KPNA3: variants seen among roughly 807,000 people sequenced by gnomAD.
KPNA3 encodes importin subunit alpha-4.
A neutral mutation model predicts 73.8 loss-of-function variants in KPNA3; 13 were observed. That is an observed-to-expected ratio of 0.18 (90% CI 0.11 to 0.28). The LOEUF is 0.28. Among genes scored for constraint, KPNA3 ranks in the 10% least tolerant of loss-of-function variants. KPNA3 has a pLI of 1.00. For missense variants in KPNA3, 360 were observed against 618.1 expected, an observed-to-expected ratio of 0.58 and a Z score of 4.43; for synonymous variants, 186 against 206.9, an observed-to-expected ratio of 0.90 and a Z score of 0.87.
chr13:49,750,800 T>G (rs1163251637), intron 1 of KPNA3, among the ~76,000 whole-genome samples: 2 of 152,140 alleles, frequency 1.3e-5, no homozygotes, highest in Non-Finnish European at 2.9e-5. Flanking sequence ...AAGACCAGCC[T>G]GGCCAACATG....
intron 6 of KPNA3, among the ~76,000 whole-genome samples, chr13:49,729,733 T>C (rs1471449774): frequency 2.6e-5 from 4 of 152,170 alleles, no homozygotes; most frequent in African/African-American, 9.6e-5. Flanking sequence ...TGAGCCAAGA[T>C]TGTGCCACTG....
intron 1 of KPNA3, among the ~76,000 whole-genome samples, chr13:49,753,254 A>G (rs1954681872): frequency 6.6e-6 from 1 of 152,140 alleles, no homozygotes; most frequent in Non-Finnish European, 1.5e-5. Flanking sequence ...ATCCAGAAAA[A>G]CCAACACTGA....
intron 9 of KPNA3, among the ~76,000 whole-genome samples, chr13:49,720,737 A>AG (rs1954348509): frequency 6.6e-6 from 1 of 151,144 alleles, no homozygotes; most frequent in Non-Finnish European, 1.5e-5. Flanking sequence ...CTCAAAAAAA[A>AG]AAAAAAAAAA....
chr13:49,734,466 C>T (rs953299326), intron 2 of KPNA3, among the ~76,000 whole-genome samples: 2 of 151,910 alleles, frequency 1.3e-5, no homozygotes, highest in Non-Finnish European at 2.9e-5. Flanking sequence ...CCAAAGTAGT[C>T]ATTTGGGAAA....
intron 14 of KPNA3, 46 bp from the exon 15 acceptor site, chr13:49,705,829 A>G (rs756558084): frequency 1.4e-6 from 2 of 1,450,192 alleles, no homozygotes; most frequent in East Asian, 5.0e-5. Context: ...ATAATTATCT[A>G]TTTCCCAGTA....
intron 1 of KPNA3, among the ~76,000 whole-genome samples, chr13:49,772,669 G>A (rs926528959): frequency 1.3e-5 from 2 of 152,120 alleles, no homozygotes; most frequent in Non-Finnish European, 2.9e-5. Flanking sequence ...AGGGCATGGT[G>A]GCGCACGTCT....
At chr13:49,735,613 T>C (rs1954515046) in intron 2 of KPNA3, among the ~76,000 whole-genome samples, 1 of 152,172 alleles carries the variant, frequency 6.6e-6, no homozygotes, top group Admixed American at 6.5e-5. Flanking sequence ...TTTTCTTTTG[T>C]CAGGTGAGAA....
chr13:49,710,126 A>G (rs1175561521), intron 11 of KPNA3, among the ~76,000 whole-genome samples: 2 of 152,108 alleles, frequency 1.3e-5, no homozygotes, highest in Non-Finnish European at 2.9e-5. Context: ...AGCTGGTGTG[A>G]TGGTGCATGC....
At position 49,732,471 on chromosome 13, in the gene KPNA3, G is replaced by GA; in HGVS notation, c.288-6dup. Reference sequence around the variant, plus strand: ...CTGTCACTGGATAACAGTTTTCTAGGAAAATAAATATGAGAAATTAATTGC... The same window carrying GA: ...CTGTCACTGGATAACAGTTTTCTAGGAAAAATAAATATGAGAAATTAATTGC... On this transcript the variant is annotated splice_polypyrimidine_tract_variant and splice_region_variant and intron_variant, in intron 5 of 16. Transcript: ENST00000261667. 1 of 1,557,318 alleles carries GA rather than the reference G, an allele frequency of 6.4e-7. No homozygotes were observed.
At chr13:49,780,864 G>A (rs1427775143) in intron 1 of KPNA3, among the ~76,000 whole-genome samples, 13 of 151,816 alleles carry the variant, frequency 8.6e-5, no homozygotes, top group Admixed American at 7.2e-4. Context: ...GGGACTACAG[G>A]TGCACGCCAC....
chr13:49,764,090 G>A lies in KPNA3; in HGVS notation c.70-17097C>T, dbSNP rs1337015687. ...TCAAAAAAAAAAAAAAAAAAAAAGA[G>A]TCAGTTTGTCAGTTTTTAGTCTGTT... On this transcript the variant is annotated intron_variant, in intron 1 of 16. Transcript: ENST00000261667. Among the ~76,000 whole-genome samples, 4 of 144,686 alleles carry A rather than the reference G, an allele frequency of 2.8e-5. 1 individual carries two copies. In the South Asian group the frequency reaches 8.8e-4, roughly 32 times the overall value. 94.9% of individuals were successfully genotyped at this position (144,686 alleles called of 152,430 possible).
At chr13:49,777,887 A>G (rs1297361260) in intron 1 of KPNA3, among the ~76,000 whole-genome samples, 1 of 152,182 alleles carries the variant, frequency 6.6e-6, no homozygotes, top group Admixed American at 6.5e-5. Flanking sequence ...TCTACTCATA[A>G]TAACTTATAA....
intron 9 of KPNA3, among the ~76,000 whole-genome samples, 190 bp from the exon 10 acceptor site, chr13:49,720,009 A>G (rs1162830893): frequency 1.3e-5 from 2 of 152,246 alleles, no homozygotes; most frequent in African/African-American, 4.8e-5. Context: ...ACATATCTCA[A>G]ATGTTAAACT....
intron 6 of KPNA3, among the ~76,000 whole-genome samples, chr13:49,731,956 T>G (rs1384185822): frequency 6.6e-6 from 1 of 152,220 alleles, no homozygotes; most frequent in East Asian, 1.9e-4. Context: ...AGCTGGAAGA[T>G]TCCCAGGGTA....
chr13:49,769,399 C>T (rs1168337207), intron 1 of KPNA3, among the ~76,000 whole-genome samples: 2 of 152,164 alleles, frequency 1.3e-5, no homozygotes, highest in African/African-American at 4.8e-5. Context: ...ACATTCTCAT[C>T]ACCACAAAAA....
chr13:49,770,501 C>A (rs924722297), intron 1 of KPNA3, among the ~76,000 whole-genome samples: 1 of 151,852 alleles, frequency 6.6e-6, no homozygotes, highest in Non-Finnish European at 1.5e-5. Flanking sequence ...TCCTTGATGG[C>A]GTATTTTGAA....
At chr13:49,782,709 T>C (rs745665224) in intron 1 of KPNA3, among the ~76,000 whole-genome samples, 69 of 151,878 alleles carry the variant, frequency 4.5e-4, no homozygotes, top group Non-Finnish European at 8.7e-4. Flanking sequence ...CGAAACCCTG[T>C]CTCTACAAAA....
At chr13:49,705,902 G>A (rs1435378089) in intron 14 of KPNA3, 119 bp from the exon 15 acceptor site, 9 of 1,037,950 alleles carry the variant, frequency 8.7e-6, no homozygotes, top group Admixed American at 8.4e-5. Context: ...GTTGGAGGCT[G>A]TAGTGCGTTA....
chr13:49,702,338 T>C (rs755932477), intron 16 of KPNA3, 48 bp downstream of exon 16: 3 of 958,150 alleles, frequency 3.1e-6, no homozygotes, highest in Admixed American at 4.2e-5. Context: ...ACATCATGTA[T>C]AGGTTTTCAT....
Sources: gnomAD v4.1 joint callset for allele counts (sites outside exome capture counted in the v4.1 genomes callset) on GRCh38, gnomAD v4.1.1 for gene constraint, MANE v1.5 for transcripts, NCBI Gene and HGNC (gene_info 2026-07-23, HGNC 2026-07-21) for gene names.